FKBP9: variants seen among roughly 807,000 people sequenced by gnomAD.
FKBP9 encodes peptidyl-prolyl cis-trans isomerase FKBP9.
In FKBP9, 27 loss-of-function variants were observed where a neutral mutation model predicts 55.6. The observed-to-expected ratio is 0.49, with a 90% CI of 0.36 to 0.67. The LOEUF is 0.67. FKBP9 is among the 30% of genes least tolerant of loss of function. FKBP9 has a pLI of 0.00. For synonymous variants in FKBP9, 267 were observed against 296.5 expected (o/e 0.90, Z 1.02); for missense variants, 539 against 742.8 (o/e 0.73, Z 3.19).
intron 4 of FKBP9, among the ~76,000 whole-genome samples, chr7:32,978,543 A>G (rs1784408334): frequency 6.6e-6 from 1 of 151,994 alleles, no homozygotes; most frequent in Non-Finnish European, 1.5e-5. Context: ...GTTTTTTTAG[A>G]GACAGTGTCT....
chr7:32,973,578 CA>C (rs1562565442), intron 1 of FKBP9, among the ~76,000 whole-genome samples: 6 of 38,218 alleles, frequency 1.6e-4, no homozygotes, highest in Non-Finnish European at 2.9e-4. Context: ...TAAAAAAAAT[CA>C]AGTGTGTGTG....
At position 32,980,470 on chromosome 7, in the gene FKBP9, C is replaced by T; in HGVS notation, c.810C>T (p.Asn270=). 1 of 1,613,814 alleles carries T rather than the reference C, an allele frequency of 6.2e-7. No homozygotes were observed. The highest frequency in any genetic ancestry group is 8.5e-7 in the Non-Finnish European group (1 of 1,179,848). ...ISIENKVVPE[N]CERISQSGDF... is the part of the protein sequence containing the mutation. The stretch of plus-strand genomic sequence containing the variant: ...TTGAGAACAAGGTAGTACCTGAAAA[C>T]TGTGAGCGGATAAGTCAAAGTGGGG... The change falls in exon 5 of 10, where the codon AAC becomes AAT. Residue 270 remains asparagine (N), a synonymous_variant. Coordinates refer to ENST00000242209, the MANE Select transcript of FKBP9 (RefSeq NM_007270.5).
chr7:32,996,071 AG>A (rs1784777729), intron 6 of FKBP9, 91 bp from the exon 7 acceptor site: 1 of 1,132,172 alleles, frequency 8.8e-7, no homozygotes, highest in African/African-American at 1.5e-5. Context: ...CCTCACTTGG[AG>A]GGCCTTGAGG....
chr7:32,959,432 C>T (rs576897500), intron 1 of FKBP9, among the ~76,000 whole-genome samples: 6 of 152,048 alleles, frequency 3.9e-5, no homozygotes, highest in African/African-American at 1.2e-4. Flanking sequence ...AAACAAAAAA[C>T]GAAACAAAAA....
At chr7:32,983,233 A>G (rs1784517464) in intron 5 of FKBP9, among the ~76,000 whole-genome samples, 1 of 152,042 alleles carries the variant, frequency 6.6e-6, no homozygotes, top group Admixed American at 6.6e-5. Flanking sequence ...CATATTGGCC[A>G]GGCTGGTCTT....
At chr7:32,985,078 T>C (rs1784549486) in intron 5 of FKBP9, among the ~76,000 whole-genome samples, 2 of 152,142 alleles carry the variant, frequency 1.3e-5, no homozygotes, top group Non-Finnish European at 2.9e-5. Flanking sequence ...ACCCTGGAAG[T>C]ATGAAAAGGT....
At chr7:32,963,940 G>A (rs1421155356) in intron 1 of FKBP9, among the ~76,000 whole-genome samples, 1 of 152,182 alleles carries the variant, frequency 6.6e-6, no homozygotes, top group Non-Finnish European at 1.5e-5. Flanking sequence ...GGGGGCCCAG[G>A]CTCACCCTTT....
At position 32,974,706 on chromosome 7, in the gene FKBP9, A is replaced by C; in HGVS notation, c.311A>C (p.Asn104Thr). The change falls in exon 2 of 10, where the codon AAC becomes ACC. Residue 104 changes from asparagine to threonine, a missense_variant. Transcript: ENST00000242209. ...CAGGCTCTTGTTGGGATGTGCGTAA[A>C]CGAGAGACGTTTCGTGAAGATTCCC... ...MDQALVGMCV[N>T]ERRFVKIPPK... is the part of the protein sequence containing the mutation. 1 of 1,613,976 alleles carries C rather than the reference A, an allele frequency of 6.2e-7. No homozygotes were observed. The highest frequency in any genetic ancestry group is 8.5e-7 in the Non-Finnish European group (1 of 1,179,856).
At chr7:32,982,061 C>T (rs1317163838) in intron 5 of FKBP9, among the ~76,000 whole-genome samples, 1 of 148,050 alleles carries the variant, frequency 6.8e-6, no homozygotes, top group Non-Finnish European at 1.5e-5. Context: ...CACTCTGTCA[C>T]CCAGGCTGCA....
intron 6 of FKBP9, among the ~76,000 whole-genome samples, chr7:32,995,528 G>T (rs1244802363): frequency 1.3e-5 from 2 of 152,112 alleles, no homozygotes; most frequent in Non-Finnish European, 2.9e-5. Flanking sequence ...TTGGCAAACT[G>T]TAAAACATTA....
intron 4 of FKBP9, 134 bp downstream of exon 4, chr7:32,976,633 G>C: frequency 8.0e-7 from 1 of 1,243,328 alleles, no homozygotes; most frequent in Non-Finnish European, 1.1e-6. Flanking sequence ...GTAACCACTA[G>C]CTACATGTGG....
intron 7 of FKBP9, among the ~76,000 whole-genome samples, chr7:32,998,865 C>T (rs1784868908): frequency 6.6e-6 from 1 of 152,132 alleles, no homozygotes; most frequent in Admixed American, 6.5e-5. Flanking sequence ...GAAAGAAAAT[C>T]ACAGGACCCG....
At chr7:32,985,705 G>A (rs1233049750) in intron 5 of FKBP9, among the ~76,000 whole-genome samples, 1 of 152,134 alleles carries the variant, frequency 6.6e-6, no homozygotes, top group Non-Finnish European at 1.5e-5. Flanking sequence ...CAGCTGTGGT[G>A]GCTTAGGCCA....
chr7:32,965,816 T>A (rs1257636826), intron 1 of FKBP9, among the ~76,000 whole-genome samples: 6,086 of 17,966 alleles, frequency 0.34, 430 homozygotes, highest in Admixed American at 0.43. Context: ...AAAAAAAATA[T>A]ATATATATAT....
intron 5 of FKBP9, among the ~76,000 whole-genome samples, chr7:32,985,122 C>T (rs959754145): frequency 3.3e-5 from 5 of 151,954 alleles, no homozygotes; most frequent in Admixed American, 2.0e-4. Context: ...ATCCTTGTCC[C>T]ACCTCCCCTC....
intron 1 of FKBP9, among the ~76,000 whole-genome samples, chr7:32,964,096 A>G (rs549139102): frequency 1.7e-4 from 26 of 152,342 alleles, no homozygotes; most frequent in Non-Finnish European, 3.7e-4. Context: ...GTGACTGCAC[A>G]TTGCAGCTCT....
At chr7:32,970,393 A>G (rs1784228640) in intron 1 of FKBP9, among the ~76,000 whole-genome samples, 1 of 151,816 alleles carries the variant, frequency 6.6e-6, no homozygotes, top group Admixed American at 6.6e-5. Flanking sequence ...GACAGGTTTC[A>G]CCATGTTGGC....
chr7:32,964,402 T>C (rs968498991), intron 1 of FKBP9, among the ~76,000 whole-genome samples: 1 of 152,278 alleles, frequency 6.6e-6, no homozygotes, highest in Non-Finnish European at 1.5e-5. Context: ...TTTTAATTTG[T>C]GCAGTTGCTT....
intron 6 of FKBP9, among the ~76,000 whole-genome samples, chr7:32,995,944 C>G (rs2953596): frequency 0.082 from 12,546 of 152,162 alleles, 959 homozygotes; most frequent in African/African-American, 0.19. Context: ...GTGAGACCCA[C>G]GGCAAATCTG....
Sources: gnomAD v4.1 joint callset for allele counts (sites outside exome capture counted in the v4.1 genomes callset) on GRCh38, gnomAD v4.1.1 for gene constraint, MANE v1.5 for transcripts, NCBI Gene and HGNC (gene_info 2026-07-23, HGNC 2026-07-21) for gene names.